LINGO2: variants seen among roughly 807,000 people sequenced by gnomAD.
LINGO2 encodes leucine rich repeat and Ig domain containing 2.
LINGO2 carries 14 observed loss-of-function variants against 30.6 expected under a neutral mutation model. The ratio of observed to expected loss-of-function variants is 0.46; its 90% CI spans 0.30 to 0.72. The LOEUF (loss-of-function observed/expected upper bound fraction) is 0.72. Ranked by LOEUF, LINGO2 falls within the 30% of genes least tolerant of loss-of-function variation. The pLI is 0.07. For missense variants in LINGO2, 729 were observed against 751.7 expected (o/e 0.97, Z 0.35); for synonymous variants, 317 against 288.5 (o/e 1.10, Z -1.00).
At chr9:29,126,020 C>A in the LINGO2 span, among the ~76,000 whole-genome samples, 2 of 152,060 alleles carry the variant, frequency 1.3e-5, no homozygotes, top group Non-Finnish European at 2.9e-5. Context: ...TATAACATTA[C>A]TATTAGAAAT....
At chr9:29,113,438 C>T in the LINGO2 span, among the ~76,000 whole-genome samples, 1 of 152,098 alleles carries the variant, frequency 6.6e-6, no homozygotes. Context: ...ATGAAGCCAG[C>T]AGGAGCAGAC....
intron 4 of LINGO2, among the ~76,000 whole-genome samples, chr9:28,189,310 AG>A (rs1819674834): frequency 2.0e-5 from 1 of 50,680 alleles, no homozygotes; most frequent in Non-Finnish European, 4.1e-5. Flanking sequence ...GAAGGGAGGA[AG>A]GAAGGAAGGA....
chr9:27,990,565 AC>A (rs1821350134), intron 5 of LINGO2, among the ~76,000 whole-genome samples: 1 of 150,928 alleles, frequency 6.6e-6, no homozygotes, highest in Admixed American at 6.6e-5. Context: ...AAAATTTGGA[AC>A]AAAGGCATTA....
At chr9:28,291,566 C>T (rs1188727382) in intron 4 of LINGO2, among the ~76,000 whole-genome samples, 1 of 152,082 alleles carries the variant, frequency 6.6e-6, no homozygotes, top group Non-Finnish European at 1.5e-5. Flanking sequence ...TGGAATAATA[C>T]ATATCTGAAA....
intron 1 of LINGO2, among the ~76,000 whole-genome samples, chr9:28,585,894 G>A (rs1824510452): frequency 6.6e-6 from 1 of 151,964 alleles, no homozygotes; most frequent in Admixed American, 6.6e-5. Flanking sequence ...TCTCAGTTGT[G>A]GCTCTCCCAC....
At chr9:28,945,040 A>G in the LINGO2 span, among the ~76,000 whole-genome samples, 28 of 152,272 alleles carry the variant, frequency 1.8e-4, no homozygotes, top group African/African-American at 6.5e-4. Flanking sequence ...ACATGCTTAT[A>G]CTGGTGGCTG....
At chr9:28,347,520 CCATT>C (rs1307684260) in intron 3 of LINGO2, among the ~76,000 whole-genome samples, 12 of 152,124 alleles carry the variant, frequency 7.9e-5, no homozygotes, top group Admixed American at 7.9e-4. Flanking sequence ...ATCCACCCAT[CCATT>C]CATCCAATAT....
chr9:29,135,918 T>C, the LINGO2 span, among the ~76,000 whole-genome samples: 1 of 152,176 alleles, frequency 6.6e-6, no homozygotes, highest in Non-Finnish European at 1.5e-5. Flanking sequence ...CATAATGTCG[T>C]CAAGGTTCAT....
chr9:29,044,494 G>A, the LINGO2 span, among the ~76,000 whole-genome samples: 1 of 151,972 alleles, frequency 6.6e-6, no homozygotes, highest in African/African-American at 2.4e-5. Context: ...TACATTGCTA[G>A]TGAGAATGTA....
intron 4 of LINGO2, among the ~76,000 whole-genome samples, chr9:28,022,179 C>T (rs918067233): frequency 6.6e-6 from 1 of 151,812 alleles, no homozygotes; most frequent in African/African-American, 2.4e-5. Flanking sequence ...TAATAAAGTC[C>T]AATTTCAAAT....
the LINGO2 span, among the ~76,000 whole-genome samples, chr9:28,721,771 T>C: frequency 6.6e-6 from 1 of 151,856 alleles, no homozygotes; most frequent in African/African-American, 2.4e-5. Flanking sequence ...TGTATACCTA[T>C]GTAACAAACC....
the LINGO2 span, among the ~76,000 whole-genome samples, chr9:28,963,547 C>CACACACACACACAA: frequency 2.4e-4 from 35 of 148,128 alleles, no homozygotes; most frequent in Non-Finnish European, 4.2e-4. Flanking sequence ...TATGAATACA[C>CACACACACACACAA]ACACACACAC....
At chr9:27,989,110 A>T (rs2119004382) in intron 5 of LINGO2, among the ~76,000 whole-genome samples, 1 of 151,936 alleles carries the variant, frequency 6.6e-6, no homozygotes, top group Non-Finnish European at 1.5e-5. Flanking sequence ...ACTTGTCCAA[A>T]TCTTCTCCAC....
intron 4 of LINGO2, among the ~76,000 whole-genome samples, chr9:28,163,495 C>T (rs1251427267): frequency 2.6e-5 from 4 of 151,998 alleles, no homozygotes; most frequent in Admixed American, 2.0e-4. Context: ...ACCTAAAATG[C>T]ATACAAAAAT....
intron 4 of LINGO2, among the ~76,000 whole-genome samples, chr9:28,020,914 G>T (rs72724925): frequency 0.028 from 4,269 of 152,012 alleles, 91 homozygotes; most frequent in South Asian, 0.069. Flanking sequence ...GTAATTTGTG[G>T]CTTTTCCTTA....
chr9:28,105,227 A>T (rs1056137719), intron 4 of LINGO2, among the ~76,000 whole-genome samples: 3 of 152,144 alleles, frequency 2.0e-5, no homozygotes, highest in Admixed American at 2.0e-4. Flanking sequence ...TTTTTCTTGT[A>T]CTGATGAGAA....
the LINGO2 span, among the ~76,000 whole-genome samples, chr9:29,181,470 A>G: frequency 1.1e-4 from 16 of 152,308 alleles, 1 homozygote; most frequent in African/African-American, 3.6e-4. Flanking sequence ...ATGTTTGATG[A>G]TTTATTACTT....
the LINGO2 span, among the ~76,000 whole-genome samples, chr9:29,083,525 T>C: frequency 5.8e-3 from 886 of 152,020 alleles, 7 homozygotes; most frequent in African/African-American, 0.021. Flanking sequence ...GGCACATGTA[T>C]ACATATGTAA....
intron 3 of LINGO2, among the ~76,000 whole-genome samples, chr9:28,356,953 C>A (rs1234840968): frequency 6.6e-6 from 1 of 151,660 alleles, no homozygotes; most frequent in East Asian, 1.9e-4. Context: ...TTTTAAAGGG[C>A]TACACACTAA....
Sources: allele counts gnomAD v4.1 joint callset (sites outside exome capture counted in the v4.1 genomes callset), GRCh38; gene constraint gnomAD v4.1.1; transcripts MANE v1.5; gene names NCBI Gene and HGNC (gene_info 2026-07-23, HGNC 2026-07-21).